The following PRKCB variants were observed in gnomAD, a reference collection of about 807,000 sequenced individuals.
The protein encoded by PRKCB is protein kinase C beta type.
In PRKCB, 13 loss-of-function variants were observed where a neutral mutation model predicts 81.5. The ratio of observed to expected loss-of-function variants is 0.16; its 90% CI spans 0.10 to 0.25. PRKCB has a LOEUF of 0.25. Among genes scored for constraint, PRKCB ranks in the 10% least tolerant of loss-of-function variants. The probability of loss-of-function intolerance (pLI) is 1.00; values close to 1 mark genes in which losing one functional copy is unlikely to be tolerated. For synonymous variants in PRKCB, 335 were observed against 321.4 expected (o/e 1.04, Z -0.45); for missense variants, 509 against 875.7 (o/e 0.58, Z 5.29).
intron 2 of PRKCB, among the ~76,000 whole-genome samples, chr16:23,846,694 G>A (rs72777920): frequency 0.027 from 3,947 of 146,698 alleles, 67 homozygotes; most frequent in Non-Finnish European, 0.043. Flanking sequence ...TTTACCTAAT[G>A]TTGAGCCTGG....
At chr16:23,933,955 C>T (rs1342827240) in intron 2 of PRKCB, among the ~76,000 whole-genome samples, 2 of 110,214 alleles carry the variant, frequency 1.8e-5, no homozygotes, top group East Asian at 2.9e-4. Context: ...ATCCATCCAC[C>T]TACCTCATCC....
intron 2 of PRKCB, among the ~76,000 whole-genome samples, chr16:23,908,715 A>G (rs1457143840): frequency 6.6e-6 from 1 of 151,592 alleles, no homozygotes; most frequent in Non-Finnish European, 1.5e-5. Flanking sequence ...TATTTTTAGT[A>G]GAGACGGGGT....
intron 11 of PRKCB, among the ~76,000 whole-genome samples, chr16:24,172,906 G>A (rs1428688715): frequency 1.3e-5 from 2 of 152,156 alleles, no homozygotes; most frequent in Non-Finnish European, 2.9e-5. Flanking sequence ...GGCCCTAAGT[G>A]CTTAACAAAC....
rs539937913 is a variant in PRKCB, at chr16:23,894,101, A to C, written c.205+56695A>C. Among the ~76,000 whole-genome samples, 13 of 152,326 alleles carry C rather than the reference A, an allele frequency of 8.5e-5. 1 individual carries two copies. In the South Asian group the frequency reaches 2.7e-3, roughly 32 times the overall value. On this transcript the variant is annotated intron_variant, in intron 2 of 16. Coordinates refer to ENST00000643927, the MANE Select transcript of PRKCB (RefSeq NM_002738.7). ...ATCAGCTGGGGGACTGCATGGGATG[A>C]TGGTGGTATGTCATCTTCCAGCAGG...
chr16:23,910,123 T>C (rs372669466), intron 2 of PRKCB, among the ~76,000 whole-genome samples: 1 of 152,146 alleles, frequency 6.6e-6, no homozygotes, highest in East Asian at 1.9e-4. Flanking sequence ...GTCACCTTCC[T>C]CTTTACTTGT....
At chr16:23,940,110 T>C (rs1596480857) in intron 2 of PRKCB, among the ~76,000 whole-genome samples, 1 of 152,224 alleles carries the variant, frequency 6.6e-6, no homozygotes, top group Non-Finnish European at 1.5e-5. Context: ...TTCTACATCA[T>C]TGGCTTTTAG....
intron 7 of PRKCB, among the ~76,000 whole-genome samples, chr16:24,111,844 A>G (rs1261767076): frequency 1.3e-5 from 2 of 152,192 alleles, no homozygotes; most frequent in Middle Eastern, 3.2e-3. Context: ...AATCATGATG[A>G]TGCCACTAAT....
rs1330294332 is a variant in PRKCB at position 24,216,687 on chromosome 16, T to C, written c.*1871T>C. On this transcript the variant is annotated 3_prime_UTR_variant, in exon 17 of 17. Coordinates refer to ENST00000643927, the MANE Select transcript of PRKCB (RefSeq NM_002738.7). Reference sequence around the variant, plus strand: ...CTTCAGGCTTGGGGACCGTCCCTGCTGTCCCCACTGTGGTGGCAATCAGGA... The same window carrying C: ...CTTCAGGCTTGGGGACCGTCCCTGCCGTCCCCACTGTGGTGGCAATCAGGA... 4.1e-6 allele frequency: 4 copies of C among 985,358 alleles called. No individual in the cohort carries two copies. The highest frequency in any genetic ancestry group is 3.5e-5 in the African/African-American group (2 of 57,262). The allele number at this position is 985,358 out of a possible 1,614,324, so 61.0% of individuals were successfully genotyped here.
chr16:24,096,530 C>T lies in PRKCB; in HGVS notation c.821+2233C>T, dbSNP rs566840487. 3.2e-3 allele frequency among the ~76,000 whole-genome samples: 479 copies of T among 151,490 alleles called. 2 individuals carry two copies. The highest frequency in any genetic ancestry group is 5.8e-3 in the Non-Finnish European group (391 of 67,880). ...TGTCAGATGGTGTCTGAGAAGCTAC[C>T]GCTTCCTTGGGAGTCCTTAGCAAGT... is the stretch of plus-strand genomic sequence containing the variant. On this transcript the variant is annotated intron_variant, in intron 7 of 16. Coordinates refer to ENST00000643927, the MANE Select transcript of PRKCB (RefSeq NM_002738.7).
At chr16:23,879,481 C>G (rs1034894784) in intron 2 of PRKCB, among the ~76,000 whole-genome samples, 5 of 110,908 alleles carry the variant, frequency 4.5e-5, no homozygotes, top group African/African-American at 1.7e-4. Flanking sequence ...CTTTAGCTAT[C>G]CTTTTTTTTT....
At chr16:24,139,755 T>C (rs1000552128) in intron 9 of PRKCB, among the ~76,000 whole-genome samples, 1 of 152,226 alleles carries the variant, frequency 6.6e-6, no homozygotes, top group Non-Finnish European at 1.5e-5. Flanking sequence ...TTATCATCTA[T>C]AAAGAGATTT....
At chr16:23,966,354 A>G (rs958541954) in intron 2 of PRKCB, among the ~76,000 whole-genome samples, 1 of 152,112 alleles carries the variant, frequency 6.6e-6, no homozygotes, top group Non-Finnish European at 1.5e-5. Context: ...CTGGATTTGA[A>G]TGCTGCCTTC....
At chr16:24,098,024 T>A (rs1322776037) in intron 7 of PRKCB, among the ~76,000 whole-genome samples, 14 of 152,170 alleles carry the variant, frequency 9.2e-5, no homozygotes, top group Non-Finnish European at 1.5e-5. Flanking sequence ...AGGAAGGGGA[T>A]ATAATGAGAC....
chr16:23,884,142 C>T (rs1963164204), intron 2 of PRKCB, among the ~76,000 whole-genome samples: 2 of 152,266 alleles, frequency 1.3e-5, no homozygotes, highest in South Asian at 2.1e-4. Context: ...ATATTGGTAG[C>T]ACAGTTATAG....
At chr16:23,912,237 C>G (rs1471106615) in intron 2 of PRKCB, among the ~76,000 whole-genome samples, 3 of 152,046 alleles carry the variant, frequency 2.0e-5, no homozygotes, top group Non-Finnish European at 4.4e-5. Flanking sequence ...TATTATTATA[C>G]TCACTAATGA....
intron 9 of PRKCB, among the ~76,000 whole-genome samples, chr16:24,125,299 A>G (rs1341501546): frequency 7.0e-6 from 1 of 141,864 alleles, no homozygotes; most frequent in Non-Finnish European, 1.5e-5. Context: ...CTTAGCTTGT[A>G]TCACCCTTTA....
intron 9 of PRKCB, among the ~76,000 whole-genome samples, chr16:24,138,173 C>A (rs1488966266): frequency 6.6e-6 from 1 of 152,230 alleles, no homozygotes; most frequent in Admixed American, 6.5e-5. Context: ...GGGAGCCTGG[C>A]TGCAGAATGT....
Position 24,073,948 on chromosome 16 carries a change from C to T in PRKCB, c.530-18843C>T, listed in dbSNP as rs544392642. On this transcript the variant is annotated intron_variant, in intron 5 of 16. Transcript: ENST00000643927. ...ACGAGGTCAGGAGATCGAGACCATC[C>T]TGGCTAACATGGTGAAACCCCGATA... 2.6e-5 allele frequency among the ~76,000 whole-genome samples: 4 copies of T among 152,114 alleles called. No individual in the cohort carries two copies. In the East Asian group the frequency reaches 7.8e-4, roughly 30 times the overall value.
rs138221113 is a variant in PRKCB, at chr16:24,059,524, C to T, written c.529+23977C>T. Among the ~76,000 whole-genome samples the T allele has an allele frequency of 6.1e-3, 931 of 151,564 alleles. 6 individuals carry two copies. The highest frequency in any genetic ancestry group is 0.021 in the African/African-American group (879 of 41,240). On this transcript the variant is annotated intron_variant, in intron 5 of 16. Transcript: ENST00000643927. The stretch of plus-strand genomic sequence containing the variant: ...AAAAATTTTTTTTTTTTAATGTAGC[C>T]AGTGTGGTGGTGCATGCCTGTGGTC...
Sources: gnomAD v4.1 joint callset for allele counts (sites outside exome capture counted in the v4.1 genomes callset) on GRCh38, gnomAD v4.1.1 for gene constraint, MANE v1.5 for transcripts, NCBI Gene and HGNC (gene_info 2026-07-23, HGNC 2026-07-21) for gene names.